The following BTBD1 variants were observed in gnomAD, a reference collection of about 807,000 sequenced individuals.
The protein encoded by BTBD1 is BTB/POZ domain-containing protein 1.
In BTBD1, 34 loss-of-function variants were observed where a neutral mutation model predicts 48.0. That is an observed-to-expected ratio of 0.71 (90% CI 0.54 to 0.94). BTBD1 has a LOEUF of 0.94. Ranked by LOEUF, BTBD1 falls within the 40% of genes least tolerant of loss-of-function variation. BTBD1 has a pLI of 0.00. For missense variants in BTBD1, 543 were observed against 625.6 expected (o/e 0.87, Z 1.41); for synonymous variants, 261 against 242.1 (o/e 1.08, Z -0.72).
chr15:83,030,006 C>A, intron 5 of BTBD1, 130 bp downstream of exon 5: 1 of 900,028 alleles, frequency 1.1e-6, no homozygotes, highest in South Asian at 1.6e-5. Context: ...CCTATATTAA[C>A]TTAACTTAAA....
intron 4 of BTBD1, among the ~76,000 whole-genome samples, chr15:83,032,969 C>CAAAAAAAAAAAAAAA (rs56152195): frequency 5.7e-5 from 5 of 86,990 alleles, no homozygotes; most frequent in African/African-American, 1.5e-4. Context: ...TACTCTGTCT[C>CAAAAAAAAAAAAAAA]AAAAAAAAAA....
intron 5 of BTBD1, among the ~76,000 whole-genome samples, chr15:83,023,462 C>A (rs911905532): frequency 6.6e-6 from 1 of 152,188 alleles, no homozygotes; most frequent in African/African-American, 2.4e-5. Flanking sequence ...TCACTGCAGC[C>A]TCAACCTCTT....
chr15:83,062,517 G>T (rs1461220181), intron 1 of BTBD1, among the ~76,000 whole-genome samples: 6 of 152,114 alleles, frequency 3.9e-5, no homozygotes, highest in Non-Finnish European at 8.8e-5. Context: ...CTATTGCAGG[G>T]GGATAAGAAG....
chr15:83,021,392 C>T (rs935398818), intron 5 of BTBD1, among the ~76,000 whole-genome samples: 4 of 152,256 alleles, frequency 2.6e-5, no homozygotes, highest in Admixed American at 6.5e-5. Context: ...CCAGTTTGGT[C>T]ATAATAGTTA....
rs180888895 is a variant in BTBD1 at position 83,058,099 on chromosome 15, G to T, written c.402-1554C>A. ...TGGCTAAGGGGATGGTCTATACACAGGCTTTAAATTAATTTCCATGTTTTA... is the reference window on the plus strand; with the variant it reads ...TGGCTAAGGGGATGGTCTATACACATGCTTTAAATTAATTTCCATGTTTTA... On this transcript the variant is annotated intron_variant, in intron 1 of 7. Coordinates refer to ENST00000261721, the MANE Select transcript of BTBD1 (RefSeq NM_025238.4). 1.4e-3 allele frequency among the ~76,000 whole-genome samples: 210 copies of T among 152,338 alleles called. 1 individual carries two copies. The highest frequency in any genetic ancestry group is 3.4e-3 in the Middle Eastern group (1 of 294).
chr15:83,050,436 G>A (rs2032960387), intron 2 of BTBD1, among the ~76,000 whole-genome samples: 1 of 147,310 alleles, frequency 6.8e-6, no homozygotes, highest in South Asian at 2.1e-4. Context: ...GTGCTTGTGT[G>A]TGTGTGTGTG....
rs1181609988 is a variant in BTBD1 at position 83,044,339 on chromosome 15, C to T, written c.665-2414G>A. 7.5e-6 allele frequency: 10 copies of T among 1,331,570 alleles called. No homozygotes were observed. In the East Asian group the frequency reaches 2.5e-4, roughly 33 times the overall value. 82.5% of individuals were successfully genotyped at this position (1,331,570 alleles called of 1,614,324 possible). A position where few individuals can be genotyped will look rare whatever the true frequency, so the allele number is the denominator to read the frequency against. On this transcript the variant is annotated intron_variant, in intron 3 of 7. Coordinates refer to ENST00000261721, the MANE Select transcript of BTBD1 (RefSeq NM_025238.4). ...GCTGCCCACGCCGACGGCAACCCTG[C>T]TCTGCATGCCCGCCCGCCCGTGCCC...
intron 3 of BTBD1, chr15:83,044,637 G>A (rs1308438137): frequency 6.4e-7 from 1 of 1,551,552 alleles, no homozygotes; most frequent in Non-Finnish European, 8.8e-7. Flanking sequence ...CTTTGCAGAT[G>A]GTGCATTGGT....
At chr15:83,018,336 A>C in intron 7 of BTBD1, 111 bp from the exon 8 acceptor site, 1 of 923,966 alleles carries the variant, frequency 1.1e-6, no homozygotes, top group Non-Finnish European at 1.5e-6. Flanking sequence ...ATTCCTATAT[A>C]AAATTTTATG....
At chr15:83,027,614 C>G (rs145242928) in intron 5 of BTBD1, among the ~76,000 whole-genome samples, 125 of 152,306 alleles carry the variant, frequency 8.2e-4, no homozygotes, top group Non-Finnish European at 6.2e-4. Context: ...CAGCTGGAAA[C>G]GTGCTGGTCT....
chr15:83,041,791 CTT>C lies in BTBD1; in HGVS notation c.797_798del (p.Lys266SerfsTer17). 1 of 1,614,188 alleles carries C rather than the reference CTT, an allele frequency of 6.2e-7. No individual in the cohort carries two copies. The highest frequency in any genetic ancestry group is 8.5e-7 in the Non-Finnish European group (1 of 1,180,020). On this transcript the variant is annotated frameshift_variant, in exon 4 of 8. Coordinates refer to ENST00000261721, the MANE Select transcript of BTBD1 (RefSeq NM_025238.4). LOFTEE classifies it high-confidence loss of function. ...QLPVTFGNKQKVLGKALSLIR... is the reference protein window; with the variant it reads ...QLPVTFGNKQXVLGKALSLIR... ...ATTAAGGAAAGTGCTTTTCCTAGAA[CTT>C]TTTGTTTATTCCCAAAAGTCACAGG... is the stretch of plus-strand genomic sequence containing the variant.
intron 2 of BTBD1, among the ~76,000 whole-genome samples, chr15:83,051,474 TTATA>T (rs372292562): frequency 3.4e-5 from 5 of 148,486 alleles, no homozygotes; most frequent in African/African-American, 4.9e-5. Context: ...ATTTTAAAAA[TTATA>T]TATATATATA....
intron 5 of BTBD1, among the ~76,000 whole-genome samples, chr15:83,026,546 G>T (rs1367630897): frequency 7.3e-6 from 1 of 136,414 alleles, no homozygotes. Flanking sequence ...TTTTGAGACG[G>T]AGTTTTGCTC....
intron 4 of BTBD1, among the ~76,000 whole-genome samples, chr15:83,032,224 G>C (rs2032530980): frequency 6.6e-6 from 1 of 152,082 alleles, no homozygotes; most frequent in Non-Finnish European, 1.5e-5. Context: ...GGGAGGCTGA[G>C]GCAGGAGAAT....
chr15:83,051,124 T>C (rs1281553910), intron 2 of BTBD1, among the ~76,000 whole-genome samples: 5 of 152,004 alleles, frequency 3.3e-5, no homozygotes, highest in Non-Finnish European at 7.4e-5. Flanking sequence ...GGAGGTATGA[T>C]GATAGGCATG....
Position 83,020,487 on chromosome 15 carries a change from C to G in BTBD1, c.1143+188G>C, listed in dbSNP as rs535009524. 6.7e-5 allele frequency: 32 copies of G among 480,316 alleles called. No homozygotes were observed. The South Asian group carries it at 1.2e-3, about 19-fold the overall frequency. 29.8% of individuals were successfully genotyped at this position (480,316 alleles called of 1,614,324 possible). A position where few individuals can be genotyped will look rare whatever the true frequency, so the allele number is the denominator to read the frequency against. On this transcript the variant is annotated intron_variant, in intron 6 of 7. Coordinates refer to ENST00000261721, the MANE Select transcript of BTBD1 (RefSeq NM_025238.4). ...ATATGCTACTGCTTTTGTGAAGGAC[C>G]CCAATTTTCTGCAACCAGACTTTTT... is the stretch of plus-strand genomic sequence containing the variant.
chr15:83,031,597 G>A (rs1283578714), intron 4 of BTBD1, among the ~76,000 whole-genome samples: 1 of 152,156 alleles, frequency 6.6e-6, no homozygotes, highest in Non-Finnish European at 1.5e-5. Context: ...TTGGACACAG[G>A]AAGGGGAACA....
At position 83,016,443 on chromosome 15, in the gene BTBD1, ATT is replaced by A. The variant is rs1567099464; in HGVS notation, c.*1622_*1623del. ...AAGAGTTTTTTTTATATATATATAT[ATT>A]TATTTATTTTTAAAAACTCCAGGGG... On this transcript the variant is annotated 3_prime_UTR_variant, in exon 8 of 8. Transcript: ENST00000261721. 6.6e-5 allele frequency: 10 copies of A among 151,296 alleles called. No individual in the cohort carries two copies. Among genetic ancestry groups the A allele is most frequent in the African/African-American group, 2.4e-4 (10 of 41,286 alleles). 9.4% of individuals were successfully genotyped at this position (151,296 alleles called of 1,614,324 possible).
chr15:83,023,609 C>G (rs2032344237), intron 5 of BTBD1, among the ~76,000 whole-genome samples: 1 of 120,180 alleles, frequency 8.3e-6, no homozygotes, highest in South Asian at 2.3e-4. Flanking sequence ...TGATCTTGAA[C>G]TCCTGGGCTC....
Sources: allele counts gnomAD v4.1 joint callset (sites outside exome capture counted in the v4.1 genomes callset), GRCh38; gene constraint gnomAD v4.1.1; transcripts MANE v1.5; gene names NCBI Gene and HGNC (gene_info 2026-07-23, HGNC 2026-07-21).